The following MALRD1 variants were observed in gnomAD, a reference collection of about 807,000 sequenced individuals.
MALRD1 encodes the protein MAM and LDL-receptor class A domain-containing protein 1.
In MALRD1, 247 loss-of-function variants were observed where a neutral mutation model predicts 242.1. The observed-to-expected ratio is 1.02, with a 90% CI of 0.92 to 1.13. The LOEUF (loss-of-function observed/expected upper bound fraction) is 1.13. Ranked by LOEUF, MALRD1 falls within the 50% of genes most tolerant of loss-of-function variation. MALRD1 has a pLI of 0.00. For missense variants in MALRD1, 2,989 were observed against 2,533.1 expected, an observed-to-expected ratio of 1.18 and a Z score of -3.86; for synonymous variants, 995 against 866.6, an observed-to-expected ratio of 1.15 and a Z score of -2.60.
intron 1 of MALRD1, among the ~76,000 whole-genome samples, chr10:19,056,034 C>A (rs76627905): frequency 0.014 from 2,143 of 152,164 alleles, 53 homozygotes; most frequent in African/African-American, 0.05. Flanking sequence ...GGCTTTCTAG[C>A]TTGTTCTGTT....
At chr10:19,393,090 T>C (rs898436280) in intron 28 of MALRD1, among the ~76,000 whole-genome samples, 3 of 152,214 alleles carry the variant, frequency 2.0e-5, no homozygotes, top group African/African-American at 7.2e-5. Flanking sequence ...TTAGAAAGTC[T>C]GCATAATTGG....
intron 30 of MALRD1, among the ~76,000 whole-genome samples, chr10:19,495,318 G>C (rs953589130): frequency 6.6e-6 from 1 of 151,906 alleles, no homozygotes; most frequent in Non-Finnish European, 1.5e-5. Flanking sequence ...AAGAAAAAAG[G>C]TTAAAGATAG....
chr10:19,607,662 A>G, intron 34 of MALRD1, 115 bp from the exon 35 acceptor site: 1 of 1,293,380 alleles, frequency 7.7e-7, no homozygotes, highest in South Asian at 1.8e-5. Context: ...ATATCAGACT[A>G]GAAAAAATCA....
intron 38 of MALRD1, among the ~76,000 whole-genome samples, chr10:19,717,641 C>T (rs2131892229): frequency 6.6e-6 from 1 of 152,240 alleles, no homozygotes; most frequent in Middle Eastern, 3.4e-3. Context: ...TGGAAGGTGT[C>T]TTAGAACCTC....
chr10:19,363,037 G>A (rs1272587115), intron 26 of MALRD1, among the ~76,000 whole-genome samples: 1 of 152,056 alleles, frequency 6.6e-6, no homozygotes, highest in African/African-American at 2.4e-5. Flanking sequence ...GAGAGTTCAG[G>A]CATTCAATTT....
rs531092042 is a variant in MALRD1, at chr10:19,413,846, G to C, written c.4845+24237G>C. Among the ~76,000 whole-genome samples the C allele has an allele frequency of 1.6e-4, 24 of 151,874 alleles. No individual in the cohort carries two copies. The South Asian group carries it at 4.8e-3, about 30-fold the overall frequency. ...GGTACCTGTAGTCCCAGCCACTTGG[G>C]GGGCTGAGGCTGGAGAATCGCTTGA... On this transcript the variant is annotated intron_variant, in intron 28 of 39. Coordinates refer to ENST00000454679, the MANE Select transcript of MALRD1 (RefSeq NM_001142308.3).
intron 5 of MALRD1, among the ~76,000 whole-genome samples, chr10:19,120,623 AG>A (rs149310925): frequency 6.6e-6 from 1 of 152,118 alleles, no homozygotes; most frequent in African/African-American, 2.4e-5. Context: ...CTGCCAGGGT[AG>A]GGGGAGAAGA....
At chr10:19,596,861 G>GAGGA (rs993172283) in intron 34 of MALRD1, among the ~76,000 whole-genome samples, 12 of 151,166 alleles carry the variant, frequency 7.9e-5, no homozygotes, top group African/African-American at 2.2e-4. Context: ...GGACAGAGAG[G>GAGGA]AGGAAGGAAG....
intron 33 of MALRD1, among the ~76,000 whole-genome samples, chr10:19,570,898 A>C (rs1836499835): frequency 6.6e-6 from 1 of 152,074 alleles, no homozygotes; most frequent in Non-Finnish European, 1.5e-5. Context: ...AAAAATAATG[A>C]TGTTACTTTA....
At chr10:19,445,680 G>C (rs958386386) in intron 28 of MALRD1, among the ~76,000 whole-genome samples, 1 of 152,182 alleles carries the variant, frequency 6.6e-6, no homozygotes, top group Non-Finnish European at 1.5e-5. Flanking sequence ...TGTCTCAGAG[G>C]GGCACCCAGC....
At chr10:19,178,517 T>A (rs1210524066) in intron 14 of MALRD1, among the ~76,000 whole-genome samples, 1 of 152,184 alleles carries the variant, frequency 6.6e-6, no homozygotes, top group African/African-American at 2.4e-5. Flanking sequence ...TTAACAGGCA[T>A]ACAAATGGCT....
chr10:19,673,975 A>G (rs564847665), intron 36 of MALRD1, among the ~76,000 whole-genome samples: 161 of 152,088 alleles, frequency 1.1e-3, no homozygotes, highest in Non-Finnish European at 1.3e-3. Flanking sequence ...AAAAAATGCA[A>G]TAAAGAGAAT....
chr10:19,320,041 C>CTTTTTTTTT (rs34481531), intron 21 of MALRD1, among the ~76,000 whole-genome samples: 6 of 73,062 alleles, frequency 8.2e-5, no homozygotes, highest in East Asian at 4.3e-4. Flanking sequence ...TATAAAACTG[C>CTTTTTTTTT]TTTTTTTTTT....
chr10:19,469,559 A>G (rs1023891280), intron 29 of MALRD1, among the ~76,000 whole-genome samples: 1 of 152,150 alleles, frequency 6.6e-6, no homozygotes, highest in Non-Finnish European at 1.5e-5. Flanking sequence ...TCATGGATGA[A>G]TATTCCTAAA....
At chr10:19,586,909 T>C (rs1041140634) in intron 33 of MALRD1, among the ~76,000 whole-genome samples, 1 of 152,224 alleles carries the variant, frequency 6.6e-6, no homozygotes, top group Non-Finnish European at 1.5e-5. Context: ...CCGAGCCAGG[T>C]GTGGGATATA....
chr10:19,444,132 C>T (rs1468455736), intron 28 of MALRD1, among the ~76,000 whole-genome samples: 3 of 152,080 alleles, frequency 2.0e-5, no homozygotes, highest in Non-Finnish European at 4.4e-5. Flanking sequence ...GATTGCAACC[C>T]CTGCTTTTTT....
intron 38 of MALRD1, among the ~76,000 whole-genome samples, chr10:19,693,500 T>A (rs1225349996): frequency 6.6e-6 from 1 of 152,098 alleles, no homozygotes; most frequent in East Asian, 1.9e-4. Flanking sequence ...ATAAAATGCC[T>A]AGGAATCCAA....
chr10:19,101,495 A>G (rs1381285725), intron 4 of MALRD1, among the ~76,000 whole-genome samples: 2 of 138,290 alleles, frequency 1.4e-5, no homozygotes, highest in East Asian at 2.0e-4. Flanking sequence ...TATATAAAAT[A>G]TATAGCATAT....
In MALRD1 at chr10:19,237,059, A is replaced by C. The variant is rs1283338606; in HGVS notation, c.2992-20625A>C. On this transcript the variant is annotated intron_variant, in intron 18 of 39. Coordinates refer to ENST00000454679, the MANE Select transcript of MALRD1 (RefSeq NM_001142308.3). The stretch of plus-strand genomic sequence containing the variant: ...AGGATACAATTTGATGTTTCAATGA[A>C]TATGTATGTTGTATAATGATCCAAT... Among the ~76,000 whole-genome samples the C allele has an allele frequency of 6.6e-5, 10 of 152,150 alleles. No homozygotes were observed. In the East Asian group the frequency reaches 1.7e-3, roughly 26 times the overall value.
Sources: allele counts gnomAD v4.1 joint callset (sites outside exome capture counted in the v4.1 genomes callset), GRCh38; gene constraint gnomAD v4.1.1; transcripts MANE v1.5; gene names NCBI Gene and HGNC (gene_info 2026-07-23, HGNC 2026-07-21).